EXT1: variants seen among roughly 807,000 people sequenced by gnomAD.
EXT1 encodes the protein exostosin-1.
In EXT1, 20 loss-of-function variants were observed where a neutral mutation model predicts 82.5. That is an observed-to-expected ratio of 0.24 (90% CI 0.17 to 0.35). The LOEUF is 0.35. Ranked by LOEUF, EXT1 falls within the 10% of genes least tolerant of loss-of-function variation. The pLI, the probability that EXT1 is intolerant of heterozygous loss-of-function variation, is 1.00. For missense variants in EXT1, 757 were observed against 936.5 expected (o/e 0.81, Z 2.50); for synonymous variants, 348 against 350.8 (o/e 0.99, Z 0.09).
At chr8:117,976,092 G>A (rs1014801437) in intron 1 of EXT1, among the ~76,000 whole-genome samples, 7 of 152,214 alleles carry the variant, frequency 4.6e-5, no homozygotes, top group Admixed American at 4.6e-4. Flanking sequence ...TCAGAATAAA[G>A]AACTTAAGCA....
chr8:117,989,851 AC>A (rs147685109), intron 1 of EXT1, among the ~76,000 whole-genome samples: 2,890 of 152,354 alleles, frequency 0.019, 36 homozygotes, highest in African/African-American at 0.028. Flanking sequence ...TGCCAAAAAA[AC>A]AAATGCACTT....
At chr8:117,973,127 T>C (rs1814974845) in intron 1 of EXT1, among the ~76,000 whole-genome samples, 1 of 152,218 alleles carries the variant, frequency 6.6e-6, no homozygotes, top group African/African-American at 2.4e-5. Context: ...CTGTGAGAAA[T>C]TAAGTGCTGG....
At chr8:118,056,213 T>C (rs1304089945) in intron 1 of EXT1, among the ~76,000 whole-genome samples, 6 of 152,250 alleles carry the variant, frequency 3.9e-5, no homozygotes, top group Non-Finnish European at 1.5e-5. Context: ...ACAATGCTTC[T>C]CAAACCTTTT....
intron 1 of EXT1, among the ~76,000 whole-genome samples, chr8:118,096,573 C>T (rs896468114): frequency 4.8e-5 from 7 of 145,970 alleles, no homozygotes; most frequent in Non-Finnish European, 1.5e-5. Context: ...TGCGGCCTGG[C>T]GACAGAGCAA....
intron 1 of EXT1, among the ~76,000 whole-genome samples, chr8:118,091,505 G>A (rs1371633873): frequency 3.9e-5 from 6 of 152,136 alleles, no homozygotes; most frequent in African/African-American, 4.8e-5. Flanking sequence ...TTGGGAGGCC[G>A]AGGCGGGCGG....
intron 1 of EXT1, among the ~76,000 whole-genome samples, chr8:117,875,805 A>T (rs1357923316): frequency 6.6e-6 from 1 of 152,184 alleles, no homozygotes; most frequent in Non-Finnish European, 1.5e-5. Context: ...CCAGGTTTCC[A>T]GATGAGCAAA....
At chr8:118,096,744 GA>G (rs1408780942) in intron 1 of EXT1, among the ~76,000 whole-genome samples, 10 of 151,896 alleles carry the variant, frequency 6.6e-5, no homozygotes, top group South Asian at 2.1e-4. Context: ...ATACCTTGGG[GA>G]AAAAAAGGTT....
At chr8:117,982,685 G>A (rs1815234645) in intron 1 of EXT1, among the ~76,000 whole-genome samples, 1 of 152,052 alleles carries the variant, frequency 6.6e-6, no homozygotes, top group East Asian at 1.9e-4. Context: ...TGGTGGAGAC[G>A]GGGTTTCACC....
intron 1 of EXT1, among the ~76,000 whole-genome samples, chr8:117,934,174 A>G (rs1403917385): frequency 6.6e-6 from 1 of 152,022 alleles, no homozygotes; most frequent in Non-Finnish European, 1.5e-5. Flanking sequence ...CCACAGATAC[A>G]GTAAGAGCAG....
intron 2 of EXT1, among the ~76,000 whole-genome samples, chr8:117,835,828 G>A (rs1250036008): frequency 6.6e-6 from 1 of 152,192 alleles, no homozygotes; most frequent in Admixed American, 6.5e-5. Flanking sequence ...TACTTCCATA[G>A]AGACGACTGG....
At chr8:118,104,451 A>G (rs1375246158) in intron 1 of EXT1, among the ~76,000 whole-genome samples, 1 of 152,204 alleles carries the variant, frequency 6.6e-6, no homozygotes, top group African/African-American at 2.4e-5. Context: ...CAACATTCAC[A>G]TTATGACCTC....
intron 1 of EXT1, among the ~76,000 whole-genome samples, chr8:117,966,194 CTTGTCATGGCAGT>C (rs1298972174): frequency 6.6e-6 from 1 of 152,206 alleles, no homozygotes; most frequent in East Asian, 1.9e-4. Flanking sequence ...ACTTCATATC[CTTGTCATGGCAGT>C]TCCCCAAGGC....
intron 7 of EXT1, among the ~76,000 whole-genome samples, chr8:117,813,818 C>T (rs1042276411): frequency 6.6e-6 from 1 of 151,968 alleles, no homozygotes; most frequent in Non-Finnish European, 1.5e-5. Context: ...CCAGCCTGAC[C>T]AACATGGTGA....
chr8:118,057,975 G>GAA (rs1173695009), intron 1 of EXT1, among the ~76,000 whole-genome samples: 3 of 59,400 alleles, frequency 5.1e-5, no homozygotes, highest in Non-Finnish European at 7.4e-5. Flanking sequence ...CATCTCAAAA[G>GAA]AAAAAAAAAA....
rs554504347 is a variant in EXT1 at position 117,802,920 on chromosome 8, T to A, written c.2055+1802A>T. ...TAAATAACTTTTTATAAACTTTAAATTCTTTATAAACTTTAAATTTTTGCT... is the reference window on the plus strand; with the variant it reads ...TAAATAACTTTTTATAAACTTTAAAATCTTTATAAACTTTAAATTTTTGCT... On this transcript the variant is annotated intron_variant, in intron 10 of 10. Transcript: ENST00000378204. Among the ~76,000 whole-genome samples, 3 of 152,312 alleles carry A rather than the reference T, an allele frequency of 2.0e-5. No homozygotes were observed. In the East Asian group the frequency reaches 5.8e-4, roughly 29 times the overall value.
intron 1 of EXT1, among the ~76,000 whole-genome samples, chr8:118,070,799 G>C (rs746465964): frequency 2.0e-5 from 3 of 152,128 alleles, no homozygotes; most frequent in Non-Finnish European, 2.9e-5. Context: ...GCAAATGGAA[G>C]CTATGTGTAA....
At chr8:117,840,430 T>C (rs1310122493) in intron 1 of EXT1, among the ~76,000 whole-genome samples, 2 of 152,074 alleles carry the variant, frequency 1.3e-5, no homozygotes, top group East Asian at 1.9e-4. Context: ...CTGGCCAACA[T>C]GGTGTAACCT....
intron 1 of EXT1, among the ~76,000 whole-genome samples, chr8:118,042,470 T>G (rs953006769): frequency 1.3e-4 from 20 of 152,066 alleles, no homozygotes; most frequent in African/African-American, 4.8e-4. Flanking sequence ...AGTTTTTGTA[T>G]TTTTAGTAGA....
chr8:117,858,712 AGAAGGAAG>A (rs564611274), intron 1 of EXT1, among the ~76,000 whole-genome samples: 769 of 66,020 alleles, frequency 0.012, 36 homozygotes, highest in African/African-American at 0.025. Flanking sequence ...AAGAAAAGAA[AGAAGGAAG>A]GAAGGAAGGA....
Sources: allele counts gnomAD v4.1 joint callset (sites outside exome capture counted in the v4.1 genomes callset), GRCh38; gene constraint gnomAD v4.1.1; transcripts MANE v1.5; gene names NCBI Gene and HGNC (gene_info 2026-07-23, HGNC 2026-07-21).